ALDH7A1: variants seen among roughly 807,000 people sequenced by gnomAD.
The protein encoded by ALDH7A1 is alpha-aminoadipic semialdehyde dehydrogenase.
ALDH7A1 carries 63 observed loss-of-function variants against 79.9 expected under a neutral mutation model. That is an observed-to-expected ratio of 0.79 (90% CI 0.64 to 0.97). ALDH7A1 has a LOEUF of 0.97. Among genes scored for constraint, ALDH7A1 ranks in the 50% least tolerant of loss-of-function variants. The probability of loss-of-function intolerance (pLI) is 0.00; values close to 1 mark genes in which losing one functional copy is unlikely to be tolerated. For synonymous variants in ALDH7A1, 240 were observed against 231.2 expected (o/e 1.04, Z -0.34); for missense variants, 627 against 665.2 (o/e 0.94, Z 0.63).
chr5:126,573,613 G>A lies in ALDH7A1; in HGVS notation c.695+1807C>T, dbSNP rs189627858. 4.7e-5 allele frequency among the ~76,000 whole-genome samples: 7 copies of A among 147,886 alleles called. No individual in the cohort carries two copies. The East Asian group carries it at 6.1e-4, about 13-fold the overall frequency. On this transcript the variant is annotated intron_variant, in intron 7 of 17. Coordinates refer to ENST00000409134, the MANE Select transcript of ALDH7A1 (RefSeq NM_001182.5). Reference sequence around the variant, plus strand: ...CTCGGGAGGCTGAAGCAGGAGAATCGCTTGAACCCGGGAGGCAGAGGTTTC... The same window carrying A: ...CTCGGGAGGCTGAAGCAGGAGAATCACTTGAACCCGGGAGGCAGAGGTTTC...
chr5:126,593,170 C>G (rs1751609029), intron 2 of ALDH7A1, among the ~76,000 whole-genome samples, 181 bp downstream of exon 2: 1 of 152,136 alleles, frequency 6.6e-6, no homozygotes, highest in Non-Finnish European at 1.5e-5. Flanking sequence ...ACAGTCTCCC[C>G]CAGACAGTCC....
Position 126,592,665 on chromosome 5 carries a change from T to A in ALDH7A1, c.311A>T (p.Asp104Val). 6.2e-7 allele frequency: 1 copy of A among 1,613,982 alleles called. No homozygotes were observed. Among genetic ancestry groups the A allele is most frequent in the African/African-American group, 1.3e-5 (1 of 75,034 alleles). Residue 104 changes from aspartate to valine, a missense_variant and splice_region_variant, in exon 3 of 18, where the codon GAT becomes GTT. Physicochemically the swap from Asp to Val is radical, Grantham distance 152. Transcript: ENST00000409134. Reference protein sequence around the residue: ...KAREAWKIWADIPAPKRGEIV... With the variant: ...KAREAWKIWAVIPAPKRGEIV... The stretch of plus-strand genomic sequence containing the variant: ...TCTAGAAACAAAGGCCATACTTACA[T>A]CTGCCCAGATTTTCCATGCTTCTCT...
intron 7 of ALDH7A1, among the ~76,000 whole-genome samples, chr5:126,573,256 T>C (rs1662394639): frequency 6.6e-6 from 1 of 150,636 alleles, no homozygotes; most frequent in African/African-American, 2.5e-5. Context: ...GTTTTGTTTG[T>C]TTGTTTTTTA....
intron 11 of ALDH7A1, among the ~76,000 whole-genome samples, chr5:126,558,514 G>C (rs1201223352): frequency 1.3e-5 from 2 of 152,094 alleles, no homozygotes; most frequent in East Asian, 3.9e-4. Context: ...AAAAATAAAA[G>C]TGTTTATTGA....
chr5:126,594,906 C>T, intron 1 of ALDH7A1, 101 bp downstream of exon 1: 1 of 1,464,632 alleles, frequency 6.8e-7, no homozygotes, highest in Non-Finnish European at 9.3e-7. Context: ...TCCCATGCTA[C>T]TACCGCATCC....
intron 1 of ALDH7A1, among the ~76,000 whole-genome samples, chr5:126,594,651 G>A (rs1397430802): frequency 3.3e-5 from 5 of 151,650 alleles, no homozygotes; most frequent in Admixed American, 3.3e-4. Flanking sequence ...TCTCCATGTC[G>A]GTCAGGCTGG....
chr5:126,560,788 G>A (rs2112770802), intron 10 of ALDH7A1, among the ~76,000 whole-genome samples: 1 of 152,210 alleles, frequency 6.6e-6, no homozygotes, highest in Admixed American at 6.5e-5. Context: ...TCAGCAAACA[G>A]AAGAAGAAAA....
At chr5:126,546,206 T>C in intron 17 of ALDH7A1, 118 bp downstream of exon 17, 4 of 940,194 alleles carry the variant, frequency 4.3e-6, no homozygotes, top group Non-Finnish European at 7.0e-6. Context: ...AGCTGTGGAA[T>C]GCTGGAAAAA....
chr5:126,549,800 T>C (rs1025969538), intron 16 of ALDH7A1, 129 bp downstream of exon 16: 6 of 890,006 alleles, frequency 6.7e-6, no homozygotes, highest in African/African-American at 4.9e-5. Flanking sequence ...TTTTCAGATA[T>C]GTTAGATCAC....
intron 6 of ALDH7A1, among the ~76,000 whole-genome samples, chr5:126,576,347 ATATGTCC>A (rs945537081): frequency 6.6e-6 from 1 of 152,100 alleles, no homozygotes; most frequent in Non-Finnish European, 1.5e-5. Flanking sequence ...GTCCTCCCAA[ATATGTCC>A]TATTTTACAG....
intron 3 of ALDH7A1, 37 bp from the exon 4 acceptor site, chr5:126,584,049 G>C: frequency 6.5e-7 from 1 of 1,528,906 alleles, no homozygotes. Flanking sequence ...CTGATTCAAA[G>C]CATAAATTCA....
intron 1 of ALDH7A1, among the ~76,000 whole-genome samples, chr5:126,594,617 ATTT>A (rs374907850): frequency 6.6e-6 from 1 of 150,590 alleles, no homozygotes; most frequent in Non-Finnish European, 1.5e-5. Context: ...GCTATTTTGT[ATTT>A]TTTTTAGTAG....
At chr5:126,586,356 T>C (rs1330979296) in intron 3 of ALDH7A1, 1 of 152,248 alleles carries the variant, frequency 6.6e-6, no homozygotes, top group Non-Finnish European at 1.5e-5. Flanking sequence ...ATAAGCTTAG[T>C]TAAGTTGGTT....
intron 5 of ALDH7A1, chr5:126,581,132 T>A (rs114353360): frequency 6.6e-6 from 1 of 152,092 alleles, no homozygotes; most frequent in Non-Finnish European, 1.5e-5. Context: ...CTTTTTTTTT[T>A]TTCTTACTCT....
chr5:126,565,913 G>A (rs1750566692), intron 9 of ALDH7A1, among the ~76,000 whole-genome samples: 1 of 152,170 alleles, frequency 6.6e-6, no homozygotes, highest in South Asian at 2.1e-4. Context: ...GTTTATCTCT[G>A]GACTTCCAAT....
intron 14 of ALDH7A1, among the ~76,000 whole-genome samples, chr5:126,550,785 G>C (rs951134185): frequency 6.6e-6 from 1 of 152,192 alleles, no homozygotes; most frequent in East Asian, 1.9e-4. Flanking sequence ...GTGAAACAAT[G>C]ATAGGCAATT....
At chr5:126,571,082 C>T in intron 7 of ALDH7A1, 1 of 490,774 alleles carries the variant, frequency 2.0e-6, no homozygotes, top group Non-Finnish European at 3.7e-6. Flanking sequence ...GTCCTTCTGT[C>T]CTCAAACATT....
intron 6 of ALDH7A1, among the ~76,000 whole-genome samples, chr5:126,576,173 G>C (rs1750959222): frequency 6.7e-6 from 1 of 149,894 alleles, no homozygotes; most frequent in Non-Finnish European, 1.5e-5. Flanking sequence ...TGAGGCAGGA[G>C]AATGGCGTGA....
At chr5:126,585,027 G>C (rs375828849) in intron 3 of ALDH7A1, among the ~76,000 whole-genome samples, 1 of 152,176 alleles carries the variant, frequency 6.6e-6, no homozygotes, top group Non-Finnish European at 1.5e-5. Flanking sequence ...GGCTGGGCGC[G>C]GTGGCTCACG....
Sources: gnomAD v4.1 joint callset for allele counts (sites outside exome capture counted in the v4.1 genomes callset) on GRCh38, gnomAD v4.1.1 for gene constraint, MANE v1.5 for transcripts, NCBI Gene and HGNC (gene_info 2026-07-23, HGNC 2026-07-21) for gene names.